GCH1: variants seen among roughly 807,000 people sequenced by gnomAD.
GCH1 encodes the protein GTP cyclohydrolase 1.
Under a neutral mutation model 25.9 loss-of-function variants are expected in GCH1, and 5 were observed. That is an observed-to-expected ratio of 0.19 (90% CI 0.10 to 0.41). The LOEUF (loss-of-function observed/expected upper bound fraction) is 0.41. Among genes scored for constraint, GCH1 ranks in the 10% least tolerant of loss-of-function variants. GCH1 has a pLI of 1.00. For missense variants in GCH1, 261 were observed against 336.5 expected (o/e 0.78, Z 1.75); for synonymous variants, 159 against 129.6 (o/e 1.23, Z -1.54).
chr14:54,844,830 A>G lies in GCH1; in HGVS notation c.627-687T>C, dbSNP rs2039615039. Among the ~76,000 whole-genome samples the G allele has an allele frequency of 2.0e-5, 3 of 152,248 alleles. No homozygotes were observed. The South Asian group carries it at 6.2e-4, about 31-fold the overall frequency. ...TATTAGAAAAACTCGGCTTGGAGCA[A>G]CAGAGAGCTAAAGAAGAAATCAAGA... is the stretch of plus-strand genomic sequence containing the variant. On this transcript the variant is annotated intron_variant, in intron 5 of 5. Transcript: ENST00000491895.
At chr14:54,851,487 A>G (rs572688228) in intron 3 of GCH1, among the ~76,000 whole-genome samples, 204 of 152,386 alleles carry the variant, frequency 1.3e-3, no homozygotes, top group Non-Finnish European at 2.7e-3. Flanking sequence ...ACAAAGGGCT[A>G]ATATCCAGAA....
chr14:54,889,984 G>GT (rs777917818), intron 1 of GCH1, among the ~76,000 whole-genome samples: 7 of 152,268 alleles, frequency 4.6e-5, no homozygotes, highest in East Asian at 3.9e-4. Context: ...TCAATCAAGT[G>GT]TTTTTTGCAA....
intron 2 of GCH1, among the ~76,000 whole-genome samples, chr14:54,864,798 A>G (rs773180166): frequency 1.8e-4 from 27 of 152,178 alleles, no homozygotes; most frequent in Non-Finnish European, 3.2e-4. Context: ...AAATTCACAG[A>G]GGTGCTGAGG....
intron 1 of GCH1, among the ~76,000 whole-genome samples, chr14:54,880,416 A>AATATATATATACTCC (rs2040230058): frequency 2.5e-5 from 3 of 120,658 alleles, no homozygotes; most frequent in Non-Finnish European, 4.9e-5. Flanking sequence ...TAATATATAA[A>AATATATATATACTCC]ATATATATAT....
intron 1 of GCH1, among the ~76,000 whole-genome samples, chr14:54,887,707 G>T (rs112957859): frequency 6.6e-6 from 1 of 152,060 alleles, no homozygotes; most frequent in South Asian, 2.1e-4. Flanking sequence ...TAAGAAAAAC[G>T]CTTTTTAGGG....
chr14:54,873,932 C>A (rs934542452), intron 1 of GCH1, among the ~76,000 whole-genome samples: 6 of 152,200 alleles, frequency 3.9e-5, no homozygotes, highest in African/African-American at 1.2e-4. Context: ...GGAGCTGGTA[C>A]CATTCCTTCT....
At chr14:54,861,826 C>T (rs1229178036) in intron 2 of GCH1, among the ~76,000 whole-genome samples, 2 of 152,010 alleles carry the variant, frequency 1.3e-5, no homozygotes, top group Admixed American at 6.6e-5. Context: ...AAAATGGTGA[C>T]AGGCTGAGTA....
chr14:54,856,495 G>A (rs2039813507), intron 3 of GCH1, among the ~76,000 whole-genome samples: 2 of 151,958 alleles, frequency 1.3e-5, no homozygotes, highest in South Asian at 2.1e-4. Flanking sequence ...GCTCTGTCAC[G>A]AGACTGGAGT....
intron 1 of GCH1, among the ~76,000 whole-genome samples, chr14:54,895,285 C>A (rs1254397779): frequency 6.6e-6 from 1 of 152,200 alleles, no homozygotes; most frequent in Non-Finnish European, 1.5e-5. Flanking sequence ...TCAGCCATCT[C>A]CAATGCCATC....
intron 1 of GCH1, chr14:54,885,599 G>A (rs1443958460): frequency 5.1e-6 from 2 of 389,262 alleles, no homozygotes; most frequent in African/African-American, 4.2e-5. Context: ...CAGGAAGAAA[G>A]CTTGCAGCAC....
chr14:54,851,801 G>A (rs1473362550), intron 3 of GCH1, among the ~76,000 whole-genome samples: 1 of 152,206 alleles, frequency 6.6e-6, no homozygotes, highest in Non-Finnish European at 1.5e-5. Context: ...CAACCATTGT[G>A]GAAGACGGTG....
At chr14:54,846,426 A>G (rs2140042616) in intron 4 of GCH1, among the ~76,000 whole-genome samples, 1 of 152,366 alleles carries the variant, frequency 6.6e-6, no homozygotes, top group East Asian at 1.9e-4. Flanking sequence ...ACGCCAAGCC[A>G]TGGCATATAC....
At chr14:54,859,477 T>C (rs1344024374) in intron 3 of GCH1, 1 of 591,278 alleles carries the variant, frequency 1.7e-6, no homozygotes, top group Non-Finnish European at 3.0e-6. Context: ...GAAGAAAGGG[T>C]GGGAAGTGGA....
intron 3 of GCH1, among the ~76,000 whole-genome samples, chr14:54,847,502 C>A (rs1319480933): frequency 6.6e-6 from 1 of 152,180 alleles, no homozygotes; most frequent in African/African-American, 2.4e-5. Flanking sequence ...CCTTGACTCC[C>A]AGCCTACATC....
At position 54,843,081 on chromosome 14, in the gene GCH1, T is replaced by C. The variant is rs1477445506; in HGVS notation, c.*936A>G. 1 of 1,379,700 alleles carries C rather than the reference T, an allele frequency of 7.2e-7. No individual in the cohort carries two copies. The allele number at this position is 1,379,700 out of a possible 1,614,324, so 85.5% of individuals were successfully genotyped here. ...TGAAAATGATGGGCACTCTCAAATG[T>C]TTCTGGAAATACTTAGAAAAATATC... On this transcript the variant is annotated 3_prime_UTR_variant, in exon 6 of 6. Transcript: ENST00000491895.
intron 1 of GCH1, chr14:54,885,065 C>T: frequency 3.2e-6 from 1 of 309,370 alleles, no homozygotes; most frequent in Non-Finnish European, 6.4e-6. Flanking sequence ...GACACTGAAC[C>T]ACCAGTCAGC....
At chr14:54,885,299 A>T in intron 1 of GCH1, 1 of 226,518 alleles carries the variant, frequency 4.4e-6, no homozygotes, top group South Asian at 6.2e-5. Context: ...CTTATACTTG[A>T]CAGTGATTTG....
intron 1 of GCH1, among the ~76,000 whole-genome samples, chr14:54,900,845 T>TCACACACACA (rs3221690): frequency 0.015 from 2,160 of 144,710 alleles, 19 homozygotes; most frequent in Non-Finnish European, 0.019. Flanking sequence ...GTGAAATATC[T>TCACACACACA]CACACACACA....
chr14:54,861,815 TA>T (rs1272528119), intron 2 of GCH1, among the ~76,000 whole-genome samples: 2 of 151,416 alleles, frequency 1.3e-5, no homozygotes, highest in Non-Finnish European at 2.9e-5. Context: ...AGTAACAGGA[TA>T]AAATGGTGAC....
Sources: allele counts gnomAD v4.1 joint callset (sites outside exome capture counted in the v4.1 genomes callset), GRCh38; gene constraint gnomAD v4.1.1; transcripts MANE v1.5; gene names NCBI Gene and HGNC (gene_info 2026-07-23, HGNC 2026-07-21).